The following ITSN2 variants were observed in gnomAD, a reference collection of about 807,000 sequenced individuals.
ITSN2 encodes intersectin-2.
ITSN2 carries 156 observed loss-of-function variants against 243.7 expected under a neutral mutation model. That is an observed-to-expected ratio of 0.64 (90% CI 0.56 to 0.73). The LOEUF (loss-of-function observed/expected upper bound fraction) is 0.73, where lower values mean the gene tolerates loss of function less well. Ranked by LOEUF, ITSN2 falls within the 30% of genes least tolerant of loss-of-function variation. ITSN2 has a pLI of 0.00. For synonymous variants in ITSN2, 703 were observed against 699.9 expected, an observed-to-expected ratio of 1.00 and a Z score of -0.07; for missense variants, 1,801 against 1,996.1, an observed-to-expected ratio of 0.90 and a Z score of 1.86.
At chr2:24,334,467 G>A in intron 1 of ITSN2, 1 of 630,456 alleles carries the variant, frequency 1.6e-6, no homozygotes, top group Non-Finnish European at 3.0e-6. Flanking sequence ...CACAGTTACA[G>A]AAAGAATTAC....
At chr2:24,257,842 A>G in intron 23 of ITSN2, 46 bp downstream of exon 23, 1 of 1,423,978 alleles carries the variant, frequency 7.0e-7, no homozygotes, top group Non-Finnish European at 9.9e-7. Flanking sequence ...CTCATTAGTG[A>G]AAATACCAAC....
In ITSN2 at chr2:24,286,228, A is replaced by G. The variant is rs1001744395; in HGVS notation, c.1847T>C (p.Phe616Ser). 15 of 1,589,218 alleles carry G rather than the reference A, an allele frequency of 9.4e-6. No individual in the cohort carries two copies. Among genetic ancestry groups the G allele is most frequent in the Admixed American group, 3.5e-5 (2 of 57,408 alleles). Residue 616 changes from phenylalanine (F) to serine (S), a missense_variant, in exon 16 of 40, where the codon TTT (phenylalanine) becomes TCT (serine). Transcript: ENST00000355123. ...TASKLSEMDSFNNQLKCGNMD... is the reference protein window; with the variant it reads ...TASKLSEMDSSNNQLKCGNMD... ...AATAAATACCTTTAGTTGATTGTTA[A>G]AAGAATCCATTTCTGACAGCTTAGA...
intron 1 of ITSN2, chr2:24,330,466 AGAG>A: frequency 1.5e-6 from 1 of 656,568 alleles, no homozygotes; most frequent in Non-Finnish European, 2.9e-6. Flanking sequence ...AACGAACCAC[AGAG>A]AAGACCCATG....
intron 8 of ITSN2, among the ~76,000 whole-genome samples, chr2:24,305,391 T>C (rs936214987): frequency 9.2e-5 from 14 of 151,838 alleles, no homozygotes; most frequent in African/African-American, 3.1e-4. Context: ...CACCTGAGGT[T>C]GGGAGTTCGA....
chr2:24,277,183 G>C (rs1159403629), intron 17 of ITSN2, among the ~76,000 whole-genome samples: 1 of 152,114 alleles, frequency 6.6e-6, no homozygotes, highest in Non-Finnish European at 1.5e-5. Context: ...AAGGAGGCTG[G>C]AGGAAAGAAG....
At chr2:24,296,914 A>C (rs1295387113) in intron 13 of ITSN2, among the ~76,000 whole-genome samples, 1 of 152,184 alleles carries the variant, frequency 6.6e-6, no homozygotes, top group Non-Finnish European at 1.5e-5. Context: ...TGGGATACGT[A>C]TAGGCTCTGG....
intron 17 of ITSN2, among the ~76,000 whole-genome samples, chr2:24,278,568 A>C (rs973983609): frequency 1.3e-5 from 2 of 151,972 alleles, no homozygotes; most frequent in African/African-American, 4.8e-5. Context: ...CACTACTTCC[A>C]GGAGGTCCTT....
chr2:24,246,146 G>T lies in ITSN2; in HGVS notation c.3560C>A (p.Ser1187Ter). The change falls in exon 29 of 40, where the codon TCA (serine) becomes TAA (stop). Residue 1187 changes from serine (S) to a stop codon, truncating the protein, a stop_gained. Coordinates refer to ENST00000355123, the MANE Select transcript of ITSN2 (RefSeq NM_006277.3). LOFTEE classifies it high-confidence loss of function. ...TTACTCACACTGTTGACTTGGATCT[G>T]AGTCTGTCGTCATCTTAACGTAGTT... ...PSNYVKMTTD[S>*]DPSQQWCADL... 1 of 1,611,680 alleles carries T rather than the reference G, an allele frequency of 6.2e-7. No homozygotes were observed. Among genetic ancestry groups the T allele is most frequent in the Non-Finnish European group, 8.5e-7 (1 of 1,178,644 alleles).
chr2:24,345,197 T>C (rs909277288), intron 1 of ITSN2, among the ~76,000 whole-genome samples: 1 of 152,204 alleles, frequency 6.6e-6, no homozygotes, highest in Non-Finnish European at 1.5e-5. Context: ...CTGTATGGGA[T>C]AGTGTGGTTC....
At chr2:24,215,246 G>C (rs1669847384) in intron 32 of ITSN2, among the ~76,000 whole-genome samples, 1 of 152,216 alleles carries the variant, frequency 6.6e-6, no homozygotes, top group Admixed American at 6.5e-5. Context: ...CAGGATCACA[G>C]ATATGCATTT....
chr2:24,206,970 A>G (rs1004360859), intron 37 of ITSN2, among the ~76,000 whole-genome samples: 18 of 152,100 alleles, frequency 1.2e-4, no homozygotes, highest in Non-Finnish European at 1.9e-4. Flanking sequence ...TCACATGGGA[A>G]GGCCAGGCAG....
intron 31 of ITSN2, among the ~76,000 whole-genome samples, chr2:24,216,922 A>G (rs903983802): frequency 6.6e-6 from 1 of 152,060 alleles, no homozygotes; most frequent in Non-Finnish European, 1.5e-5. Context: ...CATCTCTACT[A>G]AAAATACAAA....
intron 15 of ITSN2, among the ~76,000 whole-genome samples, chr2:24,287,425 AC>A (rs1679648969): frequency 6.6e-6 from 1 of 152,026 alleles, no homozygotes; most frequent in East Asian, 1.9e-4. Context: ...CAGGAGTTCA[AC>A]TTTTTTAGAT....
At chr2:24,270,823 T>C (rs1320417668) in intron 19 of ITSN2, 55 bp from the exon 20 acceptor site, 2 of 930,018 alleles carry the variant, frequency 2.2e-6, no homozygotes, top group Admixed American at 2.2e-5. Context: ...ATCTTTGCTA[T>C]GACTCAATAA....
intron 1 of ITSN2, among the ~76,000 whole-genome samples, chr2:24,345,522 T>C (rs1288171152): frequency 6.6e-6 from 1 of 152,184 alleles, no homozygotes; most frequent in Admixed American, 6.5e-5. Context: ...CATTCGATTC[T>C]ACATAATATT....
At chr2:24,205,731 A>G in intron 37 of ITSN2, 1 of 179,326 alleles carries the variant, frequency 5.6e-6, no homozygotes, top group East Asian at 1.3e-4. Flanking sequence ...TTGCCTAGCA[A>G]ATAGTAATAT....
At chr2:24,229,462 G>A (rs1256476362) in intron 29 of ITSN2, among the ~76,000 whole-genome samples, 5 of 152,088 alleles carry the variant, frequency 3.3e-5, no homozygotes, top group East Asian at 1.9e-4. Flanking sequence ...GGTGACAGGC[G>A]CCTGTAATCC....
At chr2:24,260,662 T>A (rs987392920) in intron 22 of ITSN2, among the ~76,000 whole-genome samples, 3 of 151,932 alleles carry the variant, frequency 2.0e-5, no homozygotes, top group Non-Finnish European at 4.4e-5. Flanking sequence ...AATCCCAACA[T>A]TTTGGGACGC....
chr2:24,229,035 T>C (rs1471554430), intron 29 of ITSN2, among the ~76,000 whole-genome samples: 1 of 146,238 alleles, frequency 6.8e-6, no homozygotes, highest in Non-Finnish European at 1.5e-5. Flanking sequence ...ATAATTCTGA[T>C]CTTATTTGCA....
Sources: allele counts gnomAD v4.1 joint callset (sites outside exome capture counted in the v4.1 genomes callset), GRCh38; gene constraint gnomAD v4.1.1; transcripts MANE v1.5; gene names NCBI Gene and HGNC (gene_info 2026-07-23, HGNC 2026-07-21).